Variants in PRIMA1 observed in about 807,000 individuals in gnomAD.
PRIMA1 encodes the protein proline-rich membrane anchor 1.
Under a neutral mutation model 17.5 loss-of-function variants are expected in PRIMA1, and 7 were observed. The ratio of observed to expected loss-of-function variants is 0.40; its 90% CI spans 0.23 to 0.75. The LOEUF is 0.75. Among genes scored for constraint, PRIMA1 ranks in the 30% least tolerant of loss-of-function variants. The pLI, the probability that PRIMA1 is intolerant of heterozygous loss-of-function variation, is 0.37. For missense variants in PRIMA1, 200 were observed against 201.8 expected, an observed-to-expected ratio of 0.99 and a Z score of 0.05; for synonymous variants, 97 against 77.9, an observed-to-expected ratio of 1.25 and a Z score of -1.29.
chr14:93,730,953 T>C (rs2076110124), intron 4 of PRIMA1, among the ~76,000 whole-genome samples: 1 of 151,936 alleles, frequency 6.6e-6, no homozygotes, highest in South Asian at 2.1e-4. Context: ...CTGGAGAGGA[T>C]GATTGTAGGG....
intron 3 of PRIMA1, among the ~76,000 whole-genome samples, chr14:93,743,836 T>G (rs12587586): frequency 0.81 from 122,956 of 152,240 alleles, 50,934 homozygotes; most frequent in Middle Eastern, 0.91. Context: ...CCCACCAAAG[T>G]GTCTTGAGGA....
At chr14:93,762,292 T>C (rs1368111757) in intron 3 of PRIMA1, among the ~76,000 whole-genome samples, 1 of 152,132 alleles carries the variant, frequency 6.6e-6, no homozygotes, top group Non-Finnish European at 1.5e-5. Flanking sequence ...CCCCTTTTAA[T>C]TGCACCAGTA....
At chr14:93,782,388 G>A (rs1885405696) in intron 2 of PRIMA1, among the ~76,000 whole-genome samples, 1 of 152,254 alleles carries the variant, frequency 6.6e-6, no homozygotes, top group African/African-American at 2.4e-5. Flanking sequence ...GGAGACTGAG[G>A]CGGGCGGATC....
intron 4 of PRIMA1, among the ~76,000 whole-genome samples, chr14:93,730,240 A>G (rs935519093): frequency 2.0e-5 from 3 of 152,214 alleles, no homozygotes; most frequent in African/African-American, 7.2e-5. Context: ...GCACACAACC[A>G]CGCATTCGCA....
At chr14:93,731,131 G>A (rs776130048) in intron 4 of PRIMA1, among the ~76,000 whole-genome samples, 8 of 125,894 alleles carry the variant, frequency 6.4e-5, no homozygotes, top group Middle Eastern at 4.0e-3. Flanking sequence ...TGCACAATAT[G>A]TTCTTTGTTA....
At chr14:93,739,043 GT>G (rs1440709856) in intron 3 of PRIMA1, among the ~76,000 whole-genome samples, 2 of 151,010 alleles carry the variant, frequency 1.3e-5, no homozygotes, top group Non-Finnish European at 3.0e-5. Context: ...ACAATTTGTT[GT>G]TGTTTTTTCT....
chr14:93,736,210 G>A (rs952474923), intron 4 of PRIMA1, among the ~76,000 whole-genome samples: 2 of 152,148 alleles, frequency 1.3e-5, no homozygotes, highest in Non-Finnish European at 1.5e-5. Flanking sequence ...CCTGAAACAC[G>A]GTGTGTAGTC....
chr14:93,724,165 T>C (rs2076060315), intron 4 of PRIMA1, among the ~76,000 whole-genome samples: 1 of 152,146 alleles, frequency 6.6e-6, no homozygotes. Context: ...CATCTTCCCA[T>C]TTAATCAGCA....
chr14:93,746,331 G>A (rs1244345642), intron 3 of PRIMA1, among the ~76,000 whole-genome samples: 3 of 152,064 alleles, frequency 2.0e-5, no homozygotes, highest in African/African-American at 4.8e-5. Context: ...GGGGTGCAGG[G>A]TTGGGGGGCT....
chr14:93,721,519 G>T lies in PRIMA1; in HGVS notation c.387C>A (p.Gly129=). The T allele has an allele frequency of 6.2e-7, 1 of 1,613,664 alleles. No homozygotes were observed. The highest frequency in any genetic ancestry group is 8.5e-7 in the Non-Finnish European group (1 of 1,179,750). Residue 129 remains glycine (G), a synonymous_variant, in exon 5 of 5, where the codon GGC becomes GGA. Transcript: ENST00000393140. ...TCATGGGATACTCAGCAACGCTGGT[G>T]CCATTTTCGTCTTTTCTCAGTGGTT... ...KRKPLRKDEN[G]TSVAEYPMSA...
Position 93,787,675 on chromosome 14 carries a change from G to A in PRIMA1, c.44C>T (p.Ser15Phe), listed in dbSNP as rs1472639661. The change falls in exon 2 of 5, where the codon TCC becomes TTC. Residue 15 changes from serine to phenylalanine, a missense_variant. Transcript: ENST00000393140. ...GAGCGCGCAGTGCAGCAGCAGCGAGGACCAGCAGCAGCCACGGCGCAGCAC... is the reference window on the plus strand; with the variant it reads ...GAGCGCGCAGTGCAGCAGCAGCGAGAACCAGCAGCAGCCACGGCGCAGCAC... ...DLVLRRGCCW[S>F]SLLLHCALHP... 2 of 1,544,194 alleles carry A rather than the reference G, an allele frequency of 1.3e-6. No homozygotes were observed. Among genetic ancestry groups the A allele is most frequent in the African/African-American group, 2.7e-5 (2 of 73,052 alleles).
intron 3 of PRIMA1, among the ~76,000 whole-genome samples, chr14:93,752,646 G>A (rs564174333): frequency 6.6e-6 from 1 of 152,288 alleles, no homozygotes; most frequent in African/African-American, 2.4e-5. Context: ...GACAATTTCT[G>A]TGACGCTGGC....
chr14:93,747,864 T>A (rs903409768), intron 3 of PRIMA1, among the ~76,000 whole-genome samples: 3 of 148,268 alleles, frequency 2.0e-5, no homozygotes, highest in Non-Finnish European at 4.5e-5. Context: ...TGAGTGTGTG[T>A]GAGTGGGGAC....
intron 3 of PRIMA1, among the ~76,000 whole-genome samples, chr14:93,754,436 T>TG (rs1009218144): frequency 1.1e-4 from 15 of 140,892 alleles, no homozygotes; most frequent in African/African-American, 3.1e-4. Context: ...GGGGCCATGG[T>TG]GGGGGGGGCC....
intron 2 of PRIMA1, among the ~76,000 whole-genome samples, chr14:93,786,653 C>T (rs1004976511): frequency 2.1e-4 from 32 of 152,008 alleles, no homozygotes; most frequent in African/African-American, 7.2e-4. Context: ...TCCTCAATGC[C>T]CAAAACAATG....
chr14:93,731,984 C>T (rs1427370443), intron 4 of PRIMA1, among the ~76,000 whole-genome samples: 2 of 152,256 alleles, frequency 1.3e-5, no homozygotes, highest in Non-Finnish European at 2.9e-5. Context: ...CACTCAAGCC[C>T]ACATCCAGGA....
intron 2 of PRIMA1, among the ~76,000 whole-genome samples, chr14:93,784,099 A>C (rs565300198): frequency 6.6e-6 from 1 of 152,358 alleles, no homozygotes; most frequent in East Asian, 1.9e-4. Context: ...CAGATAAAAT[A>C]TAAGACACCC....
At chr14:93,764,502 G>C (rs1020857397) in intron 3 of PRIMA1, among the ~76,000 whole-genome samples, 1 of 151,562 alleles carries the variant, frequency 6.6e-6, no homozygotes, top group African/African-American at 2.4e-5. Flanking sequence ...ATCTTCCCCC[G>C]TGAACTCTCC....
Position 93,778,158 on chromosome 14 carries a change from C to T in PRIMA1, c.229+1018G>A, listed in dbSNP as rs116278645. On this transcript the variant is annotated intron_variant, in intron 3 of 4. Transcript: ENST00000393140. ...TAATTGTGACGATTCCCAAGTCTCA[C>T]CCCAAAAACTCTGGCTCAGTGGGTT... Among the ~76,000 whole-genome samples, 1,322 of 152,278 alleles carry T rather than the reference C, an allele frequency of 8.7e-3. 19 individuals carry two copies. Among genetic ancestry groups the T allele is most frequent in the African/African-American group, 0.03 (1,230 of 41,538 alleles).
Sources: allele counts gnomAD v4.1 joint callset (sites outside exome capture counted in the v4.1 genomes callset), GRCh38; gene constraint gnomAD v4.1.1; transcripts MANE v1.5; gene names NCBI Gene and HGNC (gene_info 2026-07-23, HGNC 2026-07-21).